The following TUBA3C variants were observed in gnomAD, a reference collection of about 807,000 sequenced individuals.
TUBA3C encodes tubulin alpha 3c.
A neutral mutation model predicts 33.4 loss-of-function variants in TUBA3C; 23 were observed. The observed-to-expected ratio is 0.69, with a 90% CI of 0.50 to 0.98. TUBA3C has a LOEUF of 0.98. Ranked by LOEUF, TUBA3C falls within the 50% of genes least tolerant of loss-of-function variation. The pLI is 0.00. For synonymous variants in TUBA3C, 269 were observed against 250.4 expected, an observed-to-expected ratio of 1.07 and a Z score of -0.70; for missense variants, 402 against 616.0, an observed-to-expected ratio of 0.65 and a Z score of 3.68.
intron 4 of TUBA3C, among the ~76,000 whole-genome samples, 191 bp from the exon 5 acceptor site, chr13:19,174,350 C>T (rs1217595425): frequency 6.6e-6 from 1 of 151,992 alleles, no homozygotes; most frequent in Non-Finnish European, 1.5e-5. Flanking sequence ...CCCAGGCTGG[C>T]CTCAAACTCC....
At chr13:19,174,287 A>C in intron 4 of TUBA3C, 128 bp from the exon 5 acceptor site, 44 of 1,340,348 alleles carry the variant, frequency 3.3e-5, no homozygotes, top group Non-Finnish European at 4.2e-5. Context: ...CACAAATGTC[A>C]CTAAGCCCTT....
intron 1 of TUBA3C, among the ~76,000 whole-genome samples, chr13:19,181,181 T>C (rs1869401026): frequency 6.6e-6 from 1 of 151,242 alleles, no homozygotes; most frequent in Admixed American, 6.6e-5. Context: ...GCCTCCCGAG[T>C]AGCTGGAACC....
chr13:19,175,096 A>C (rs1452957973), intron 4 of TUBA3C, among the ~76,000 whole-genome samples: 4 of 151,668 alleles, frequency 2.6e-5, no homozygotes, highest in African/African-American at 9.7e-5. Flanking sequence ...AAAATACAAA[A>C]ACAAAATTAG....
At chr13:19,174,191 A>C in intron 4 of TUBA3C, 32 bp from the exon 5 acceptor site, 1 of 1,575,778 alleles carries the variant, frequency 6.3e-7, no homozygotes, top group Non-Finnish European at 8.6e-7. Flanking sequence ...CAGTCCATGA[A>C]GCTTATATCA....
Position 19,179,399 on chromosome 13 carries a change from A to G in TUBA3C, c.168T>C (p.Thr56=). 2 of 1,613,992 alleles carry G rather than the reference A, an allele frequency of 1.2e-6. No individual in the cohort carries two copies. The highest frequency in any genetic ancestry group is 1.1e-5 in the South Asian group (1 of 91,064). Residue 56 remains threonine (T), a synonymous_variant, in exon 2 of 5, where the codon ACT becomes ACC. Transcript: ENST00000400113. ...CTCTGGGCACGTGCTTGCCAGCTCC[A>G]GTCTCACTGAAGAACGTGTTGAAGG... ...DDSFNTFFSE[T]GAGKHVPRAV...
intron 4 of TUBA3C, among the ~76,000 whole-genome samples, chr13:19,175,762 G>A (rs952995597): frequency 7.2e-5 from 11 of 151,782 alleles, no homozygotes; most frequent in Middle Eastern, 3.4e-3. Context: ...TTCTTTTTTT[G>A]AGACAGAGTC....
At chr13:19,178,784 T>C (rs1292615656) in intron 2 of TUBA3C, among the ~76,000 whole-genome samples, 1 of 152,184 alleles carries the variant, frequency 6.6e-6, no homozygotes, top group African/African-American at 2.4e-5. Flanking sequence ...ACCAGGTCAG[T>C]GTGACTTCTG....
chr13:19,174,264 T>A, intron 4 of TUBA3C, 105 bp from the exon 5 acceptor site: 2 of 1,429,732 alleles, frequency 1.4e-6, no homozygotes, highest in Non-Finnish European at 1.9e-6. Flanking sequence ...ACAGGAGAAT[T>A]CTCAGTTCAC....
rs1192726481 is a variant in TUBA3C, at chr13:19,177,111, A to G, written c.872T>C (p.Ile291Thr). The change falls in exon 4 of 5, where the codon ATC becomes ACC. Residue 291 changes from isoleucine to threonine, a missense_variant. Coordinates refer to ENST00000400113, the MANE Select transcript of TUBA3C (RefSeq NM_006001.3). The surrounding 1 kb of genome is among the most constrained non-coding windows in gnomAD (Gnocchi z 5.0). ...GGCTGGCTCGAAGCAGGCATTGGTG[A>G]TCTCAGCCACGGACAGCTGCTCGTG... The part of the protein sequence containing the change: ...AYHEQLSVAE[I>T]TNACFEPANQ... The G allele has an allele frequency of 5.0e-6, 8 of 1,613,944 alleles. No homozygotes were observed. Among genetic ancestry groups the G allele is most frequent in the African/African-American group, 1.3e-5 (1 of 74,886 alleles).
Position 19,174,171 on chromosome 13 carries a change from G to C in TUBA3C, c.1057-12C>G. On this transcript the variant is annotated splice_polypyrimidine_tract_variant and intron_variant, in intron 4 of 4. Coordinates refer to ENST00000400113, the MANE Select transcript of TUBA3C (RefSeq NM_006001.3). ...TAGTTAATGCCCACCTGCCGGAGAA[G>C]AGGAAGAAACAGTCCATGAAGCTTA... 1 of 1,607,252 alleles carries C rather than the reference G, an allele frequency of 6.2e-7. No homozygotes were observed. Among genetic ancestry groups the C allele is most frequent in the Non-Finnish European group, 8.5e-7 (1 of 1,175,952 alleles).
rs36214771 is a variant in TUBA3C at position 19,179,728 on chromosome 13, G to A, written c.4-165C>T. The stretch of plus-strand genomic sequence containing the variant: ...AGGTGACTGACCCCTTTATCCCTGT[G>A]AAAACTTACTTGCTCTACACCATCC... On this transcript the variant is annotated intron_variant, in intron 1 of 4. Coordinates refer to ENST00000400113, the MANE Select transcript of TUBA3C (RefSeq NM_006001.3). Among the ~76,000 whole-genome samples the A allele has an allele frequency of 7.7e-3, 1,170 of 152,260 alleles. 6 individuals are homozygous for A. The highest frequency in any genetic ancestry group is 0.012 in the Non-Finnish European group (850 of 68,022).
At chr13:19,180,557 A>G (rs980499671) in intron 1 of TUBA3C, among the ~76,000 whole-genome samples, 3 of 151,918 alleles carry the variant, frequency 2.0e-5, no homozygotes, top group Non-Finnish European at 4.4e-5. Context: ...GCTGGAATGC[A>G]GTGGCACAAT....
intron 4 of TUBA3C, among the ~76,000 whole-genome samples, chr13:19,175,928 G>A (rs1869164657): frequency 6.6e-6 from 1 of 152,142 alleles, no homozygotes; most frequent in South Asian, 2.1e-4. Flanking sequence ...ATTTTTAGTA[G>A]ACACGGGATT....
rs895055259 is a variant in TUBA3C, at chr13:19,181,814, C to T, written c.-67G>A. ...CCTCAACCGCCGCTGCAGCTGCGCA[C>T]GCCCAACGACAGCCTCCCGCCGTGC... On this transcript the variant is annotated 5_prime_UTR_variant, in exon 1 of 5. It adds an upstream start codon to the 5' untranslated region. Transcript: ENST00000400113. 72 of 1,586,374 alleles carry T rather than the reference C, an allele frequency of 4.5e-5. No individual in the cohort carries two copies. The highest frequency in any genetic ancestry group is 8.4e-5 in the Admixed American group (5 of 59,406).
In TUBA3C at chr13:19,176,980, T is replaced by C. The variant is rs975947907; in HGVS notation, c.1003A>G (p.Ile335Val). 7 of 1,614,054 alleles carry C rather than the reference T, an allele frequency of 4.3e-6. No homozygotes were observed. Among genetic ancestry groups the C allele is most frequent in the Non-Finnish European group, 5.9e-6 (7 of 1,179,994 alleles). Residue 335 changes from isoleucine (I) to valine (V), a missense_variant, in exon 4 of 5, where the codon ATC (isoleucine) becomes GTC (valine). Transcript: ENST00000400113. Reference sequence around the variant, plus strand: ...AACTGGATGGTGCGCTTGGTCTTGATGGTGGCGATGGCCGCGTTGACATCT... The same window carrying C: ...AACTGGATGGTGCGCTTGGTCTTGACGGTGGCGATGGCCGCGTTGACATCT... The part of the protein sequence containing the change: ...PKDVNAAIAT[I>V]KTKRTIQFVD...
At chr13:19,178,867 TG>T (rs1869296842) in intron 2 of TUBA3C, among the ~76,000 whole-genome samples, 1 of 152,164 alleles carries the variant, frequency 6.6e-6, no homozygotes, top group Non-Finnish European at 1.5e-5. Context: ...TCATCTCATG[TG>T]GGGCCACTGA....
At chr13:19,181,635 T>C (rs1869422221) in intron 1 of TUBA3C, 110 bp downstream of exon 1, 10 of 1,521,828 alleles carry the variant, frequency 6.6e-6, no homozygotes, top group Non-Finnish European at 8.1e-6. Context: ...TCTGACCTCC[T>C]TTCTGCACCC....
At chr13:19,178,891 C>T in intron 2 of TUBA3C, among the ~76,000 whole-genome samples, 1 of 152,170 alleles carries the variant, frequency 6.6e-6, no homozygotes, top group East Asian at 1.9e-4. Flanking sequence ...GGGGCTGTCT[C>T]TTTGCAGCTC....
At chr13:19,176,725 CAAAAAAAAAAAAAAAAAAAAA>C (rs55746544) in intron 4 of TUBA3C, among the ~76,000 whole-genome samples, 181 bp downstream of exon 4, 2 of 34,580 alleles carry the variant, frequency 5.8e-5, no homozygotes, top group Non-Finnish European at 1.2e-4. Context: ...GACTCTGCCT[CAAAAAAAAAAAAAAAAAAAAA>C]AAAAAAAAAA....
Sources: allele counts gnomAD v4.1 joint callset (sites outside exome capture counted in the v4.1 genomes callset), GRCh38; gene constraint gnomAD v4.1.1; non-coding constraint Gnocchi (gnomAD v3.1); transcripts MANE v1.5; gene names NCBI Gene and HGNC (gene_info 2026-07-23, HGNC 2026-07-21).